Variants in PRR33 observed in about 807,000 individuals in gnomAD.
PRR33 encodes proline rich 33.
Under a neutral mutation model 0.5 loss-of-function variants are expected in PRR33, and 1 was observed. That is an observed-to-expected ratio of 2.18 (90% CI 0.77 to 10.34). PRR33 has a LOEUF of 10.34. Ranked by LOEUF, PRR33 falls within the 30% of genes most tolerant of loss-of-function variation. The pLI is 0.13. For synonymous variants in PRR33, 226 were observed against 110.0 expected, an observed-to-expected ratio of 2.06 and a Z score of -6.60; for missense variants, 552 against 251.8, an observed-to-expected ratio of 2.19 and a Z score of -8.07.
the PRR33 span, among the ~76,000 whole-genome samples, chr11:1,909,226 C>T: frequency 1.3e-5 from 2 of 150,152 alleles, no homozygotes; most frequent in South Asian, 2.1e-4. Context: ...GGCCTGGGTA[C>T]GGCGGCTCAC....
the PRR33 span, among the ~76,000 whole-genome samples, chr11:1,913,865 T>C: frequency 6.6e-6 from 1 of 152,246 alleles, no homozygotes. Context: ...GCGGACTCCT[T>C]TTCCCTCGTC....
the PRR33 span, among the ~76,000 whole-genome samples, chr11:1,917,552 G>A: frequency 2.0e-5 from 3 of 152,162 alleles, no homozygotes; most frequent in African/African-American, 4.8e-5. Context: ...CCCCCACCCA[G>A]GTCTACAGTC....
At chr11:1,899,059 G>T in the PRR33 span, among the ~76,000 whole-genome samples, 1 of 152,094 alleles carries the variant, frequency 6.6e-6, no homozygotes, top group African/African-American at 2.4e-5. Flanking sequence ...AAGGCAAAAG[G>T]TTGTCCACAT....
exon 1 of PRR33, chr11:1,890,414 A>G (rs1012773805): frequency 4.2e-6 from 3 of 717,148 alleles, no homozygotes; most frequent in Non-Finnish European, 7.8e-6. Context: ...CCCTGGGTGG[A>G]GCGAGGTGTG....
the PRR33 span, chr11:1,890,002 CA>C: frequency 1.5e-6 from 1 of 661,174 alleles, no homozygotes; most frequent in East Asian, 2.7e-5. Context: ...CTGGGAGGCT[CA>C]GGGGTCCCAT....
the PRR33 span, among the ~76,000 whole-genome samples, chr11:1,915,652 G>A: frequency 1.8e-3 from 1 of 552 alleles, no homozygotes; most frequent in Non-Finnish European, 3.2e-3. Context: ...GGGGGGTGAT[G>A]TTATGTGTGT....
the PRR33 span, among the ~76,000 whole-genome samples, chr11:1,912,190 A>T: frequency 1.3e-5 from 2 of 151,914 alleles, no homozygotes; most frequent in South Asian, 2.1e-4. Flanking sequence ...AGGTAAAATT[A>T]AAAAAATAAT....
chr11:1,902,989 C>T, the PRR33 span: 5 of 152,138 alleles, frequency 3.3e-5, no homozygotes, highest in African/African-American at 1.2e-4. Context: ...GACCAGAGGT[C>T]ACTCTCGTCA....
the PRR33 span, among the ~76,000 whole-genome samples, chr11:1,904,879 T>C: frequency 6.6e-6 from 1 of 151,882 alleles, no homozygotes; most frequent in Non-Finnish European, 1.5e-5. Flanking sequence ...CGGTAATTTC[T>C]ATCCTTCTCC....
At chr11:1,889,708 G>A (rs1479839557) in exon 1 of PRR33, 2 of 647,280 alleles carry the variant, frequency 3.1e-6, no homozygotes, top group Non-Finnish European at 5.7e-6. Flanking sequence ...TCCTCCAGGT[G>A]CTCTCTGCCA....
the PRR33 span, among the ~76,000 whole-genome samples, chr11:1,902,186 C>G: frequency 6.6e-6 from 1 of 150,646 alleles, no homozygotes; most frequent in East Asian, 1.9e-4. Context: ...GAGCAGAGAT[C>G]GCGCCACTGC....
chr11:1,892,427 GCT>G (rs1455534775), upstream of PRR33, among the ~76,000 whole-genome samples: 1 of 152,236 alleles, frequency 6.6e-6, no homozygotes, highest in African/African-American at 2.4e-5. Context: ...CAGGACATAA[GCT>G]CTCTGGTGGC....
At chr11:1,898,268 T>C in the PRR33 span, among the ~76,000 whole-genome samples, 1 of 151,290 alleles carries the variant, frequency 6.6e-6, no homozygotes, top group African/African-American at 2.4e-5. Context: ...CGAGTCTCGC[T>C]CCGTCGGCTG....
chr11:1,907,547 G>C, the PRR33 span, among the ~76,000 whole-genome samples: 7,773 of 152,172 alleles, frequency 0.051, 455 homozygotes, highest in East Asian at 0.3. Flanking sequence ...CAGTAGTTGG[G>C]ATTACAGACT....
chr11:1,902,450 G>A, the PRR33 span, among the ~76,000 whole-genome samples: 11 of 152,194 alleles, frequency 7.2e-5, no homozygotes, highest in Non-Finnish European at 1.2e-4. Flanking sequence ...CTTCATCTAG[G>A]ATAGCTTTCT....
chr11:1,895,952 G>A (rs1471934708), upstream of PRR33, among the ~76,000 whole-genome samples: 2 of 152,180 alleles, frequency 1.3e-5, no homozygotes, highest in East Asian at 1.9e-4. Context: ...AGGCTGCAGC[G>A]AGCAGAGATT....
rs752663810 is a variant in PRR33, at chr11:1,890,152, G to C, written c.433C>G (p.Gln145Glu). 9.8e-6 allele frequency: 7 copies of C among 717,128 alleles called. No individual in the cohort carries two copies. The South Asian group carries it at 1.0e-4, about 11-fold the overall frequency. The allele number at this position is 717,128 out of a possible 1,614,324, so 44.4% of individuals were successfully genotyped here. ...ACCTGGGGCCCCATGGCCCTGAATTGAGCAGCTAGAATCCTGCGCTGGGTG... is the reference window on the plus strand; with the variant it reads ...ACCTGGGGCCCCATGGCCCTGAATTCAGCAGCTAGAATCCTGCGCTGGGTG... Residue 145 changes from glutamine to glutamate, a missense_variant, in exon 1 of 1, where the codon CAA (glutamine) becomes GAA (glutamate). Physicochemically the swap from Gln to Glu is conservative, Grantham distance 29. Transcript: ENST00000640310.
At chr11:1,898,588 G>T in the PRR33 span, among the ~76,000 whole-genome samples, 1 of 152,178 alleles carries the variant, frequency 6.6e-6, no homozygotes, top group Non-Finnish European at 1.5e-5. Context: ...GGAAAAAGAG[G>T]CCTCACAAAC....
At chr11:1,890,949 G>A (rs779796572) in exon 1 of PRR33, 7 of 214,072 alleles carry the variant, frequency 3.3e-5, no homozygotes, top group South Asian at 1.1e-4. Flanking sequence ...GGTGGGAGAC[G>A]GAGACGCGGG....
Sources: allele counts gnomAD v4.1 joint callset (sites outside exome capture counted in the v4.1 genomes callset), GRCh38; gene constraint gnomAD v4.1.1; transcripts MANE v1.5; gene names NCBI Gene and HGNC (gene_info 2026-07-23, HGNC 2026-07-21).